Variants in ANKMY1 observed in about 807,000 individuals in gnomAD.
ANKMY1 encodes ankyrin repeat and MYND domain containing 1, also known as ankyrin repeat and MYND domain-containing protein 1.
Under a neutral mutation model 102.0 loss-of-function variants are expected in ANKMY1, and 98 were observed. The ratio of observed to expected loss-of-function variants is 0.96; its 90% CI spans 0.82 to 1.14. The LOEUF is 1.14. Among genes scored for constraint, ANKMY1 ranks in the 50% most tolerant of loss-of-function variants. The pLI, the probability that ANKMY1 is intolerant of heterozygous loss-of-function variation, is 0.00. For synonymous variants in ANKMY1, 582 were observed against 559.9 expected, an observed-to-expected ratio of 1.04 and a Z score of -0.56; for missense variants, 1,330 against 1,347.6, an observed-to-expected ratio of 0.99 and a Z score of 0.20.
chr2:240,512,747 T>G (rs1373208846), intron 10 of ANKMY1, 55 bp downstream of exon 10: 2 of 1,559,944 alleles, frequency 1.3e-6, no homozygotes, highest in African/African-American at 2.7e-5. Flanking sequence ...TGTGAATCCA[T>G]CCAGGCACAC....
chr2:240,557,278 G>A lies in ANKMY1; in HGVS notation c.58C>T (p.Arg20Cys), dbSNP rs1283466556. 6.3e-7 allele frequency: 1 copy of A among 1,594,030 alleles called. No homozygotes were observed. Among genetic ancestry groups the A allele is most frequent in the Non-Finnish European group, 8.6e-7 (1 of 1,169,518 alleles). Residue 20 changes from arginine (R) to cysteine (C), a missense_variant, in exon 2 of 18, where the codon CGC becomes TGC. Arg to Cys is a radical substitution (Grantham distance 180). Coordinates refer to ENST00000401804, the MANE Select transcript of ANKMY1 (RefSeq NM_001282771.3). ...CCCTTCCCCTCTAGCGGGCGTTGGC[G>A]GCTGCCAGCCCCAGAGACTTCGTCC... ...LEDEVSGAGSRQRPLEGKGGE... is the reference protein window; with the variant it reads ...LEDEVSGAGSCQRPLEGKGGE...
At chr2:240,500,302 G>A (rs1012937827) in intron 14 of ANKMY1, 150 bp downstream of exon 14, 5 of 1,121,758 alleles carry the variant, frequency 4.5e-6, no homozygotes, top group Non-Finnish European at 6.2e-6. Flanking sequence ...AGCACTTTGG[G>A]GGGTTCACCT....
intron 9 of ANKMY1, among the ~76,000 whole-genome samples, chr2:240,514,270 C>G (rs968031073): frequency 3.3e-5 from 5 of 152,162 alleles, no homozygotes; most frequent in South Asian, 4.1e-4. Context: ...GGGGTTCTAA[C>G]GTCTCTCAGG....
intron 1 of ANKMY1, 128 bp downstream of exon 1, chr2:240,557,753 G>A (rs962617298): frequency 1.5e-5 from 7 of 466,926 alleles, no homozygotes; most frequent in Non-Finnish European, 1.7e-5. Flanking sequence ...CTAACCCCAC[G>A]CCCCCAGCCC....
rs533621146 is a variant in ANKMY1, at chr2:240,499,058, G to A, written c.2806+900C>T. Among the ~76,000 whole-genome samples the A allele has an allele frequency of 7.2e-5, 11 of 152,296 alleles. No individual in the cohort carries two copies. The highest frequency in any genetic ancestry group is 2.2e-4 in the African/African-American group (9 of 41,550). ...AGCAACGCAAACGGACTAACAGCACGTGGAAGTGTGTGGGGCGGAGCACTG... is the reference window on the plus strand; with the variant it reads ...AGCAACGCAAACGGACTAACAGCACATGGAAGTGTGTGGGGCGGAGCACTG... On this transcript the variant is annotated intron_variant, in intron 15 of 17. Transcript: ENST00000401804. The surrounding 1 kb of genome is among the most constrained non-coding windows in gnomAD (Gnocchi z 4.2).
chr2:240,519,862 G>A (rs906239511), intron 9 of ANKMY1: 1 of 250,338 alleles, frequency 4.0e-6, no homozygotes, highest in Non-Finnish European at 8.4e-6. Flanking sequence ...CGTCCGCTGG[G>A]AAAGGCACTT....
At chr2:240,472,462 T>C in the ANKMY1 span, among the ~76,000 whole-genome samples, 1 of 152,306 alleles carries the variant, frequency 6.6e-6, no homozygotes, top group South Asian at 2.1e-4. Context: ...AAACCAGCCT[T>C]GTGACTTGGT....
chr2:240,535,433 T>G (rs1451640640), intron 4 of ANKMY1, among the ~76,000 whole-genome samples: 1 of 152,182 alleles, frequency 6.6e-6, no homozygotes, highest in Non-Finnish European at 1.5e-5. Context: ...TGTAAAATGT[T>G]TCTTACGGGA....
chr2:240,470,633 T>C, the ANKMY1 span, among the ~76,000 whole-genome samples: 3 of 152,052 alleles, frequency 2.0e-5, no homozygotes, highest in Admixed American at 6.6e-5. Flanking sequence ...AGTAAAAAAC[T>C]CATAGGAGAC....
At chr2:240,561,019 C>T (rs907902179), upstream of ANKMY1, 1 of 1,530,872 alleles carries the variant, frequency 6.5e-7, no homozygotes, top group Non-Finnish European at 8.7e-7. Flanking sequence ...CGCTCGGCCG[C>T]CGTCTGCACC....
chr2:240,535,432 T>C (rs896968525), intron 4 of ANKMY1, among the ~76,000 whole-genome samples: 2 of 152,148 alleles, frequency 1.3e-5, no homozygotes, highest in African/African-American at 4.8e-5. Flanking sequence ...TTGTAAAATG[T>C]TTCTTACGGG....
intron 15 of ANKMY1, among the ~76,000 whole-genome samples, chr2:240,497,209 A>G (rs2077381570): frequency 6.6e-6 from 1 of 152,054 alleles, no homozygotes. Context: ...GCCATCTTGG[A>G]AGCTGAGGAT....
At chr2:240,505,139 C>G (rs1157493939) in intron 13 of ANKMY1, among the ~76,000 whole-genome samples, 1 of 151,838 alleles carries the variant, frequency 6.6e-6, no homozygotes, top group Admixed American at 6.6e-5. Context: ...GTGCAGCTGC[C>G]GTGGAAATAG....
At chr2:240,553,174 C>G (rs374756427) in intron 3 of ANKMY1, 117 bp from the exon 4 acceptor site, 1 of 1,252,984 alleles carries the variant, frequency 8.0e-7, no homozygotes, top group African/African-American at 1.5e-5. Flanking sequence ...AGGGCTGTGG[C>G]AGAACTCAGG....
chr2:240,525,916 G>A (rs921799383), intron 6 of ANKMY1, 67 bp from the exon 7 acceptor site: 5 of 1,563,352 alleles, frequency 3.2e-6, no homozygotes, highest in Middle Eastern at 1.7e-4. Flanking sequence ...GGGTCACTGG[G>A]TGTCCTGATG....
chr2:240,478,970 C>T (rs1467280625), downstream of ANKMY1, among the ~76,000 whole-genome samples: 1 of 152,198 alleles, frequency 6.6e-6, no homozygotes, highest in Non-Finnish European at 1.5e-5. Context: ...CTGCCCTCTC[C>T]GTGAATTTCC....
intron 7 of ANKMY1, among the ~76,000 whole-genome samples, chr2:240,524,789 T>G (rs2083023912): frequency 6.6e-6 from 1 of 152,252 alleles, no homozygotes; most frequent in South Asian, 2.1e-4. Flanking sequence ...TAAAATTAAT[T>G]CCACCTGTTT....
intron 8 of ANKMY1, chr2:240,522,005 A>G (rs984378499): frequency 1.3e-5 from 2 of 152,256 alleles, no homozygotes; most frequent in African/African-American, 4.8e-5. Flanking sequence ...AAGGAAACTA[A>G]GCAGGTTGTC....
chr2:240,548,028 C>T (rs1380719106), intron 4 of ANKMY1, among the ~76,000 whole-genome samples: 1 of 152,314 alleles, frequency 6.6e-6, no homozygotes, highest in Middle Eastern at 3.4e-3. Flanking sequence ...CCAGCATCAT[C>T]CTGATACCAA....
Sources: gnomAD v4.1 joint callset for allele counts (sites outside exome capture counted in the v4.1 genomes callset) on GRCh38, gnomAD v4.1.1 for gene constraint, Gnocchi (gnomAD v3.1) non-coding constraint, MANE v1.5 for transcripts, NCBI Gene and HGNC (gene_info 2026-07-23, HGNC 2026-07-21) for gene names.